The following ANGPT2 variants were observed in gnomAD, a reference collection of about 807,000 sequenced individuals.
ANGPT2 encodes angiopoietin-2.
ANGPT2 carries 28 observed loss-of-function variants against 62.9 expected under a neutral mutation model. The ratio of observed to expected loss-of-function variants is 0.44; its 90% CI spans 0.33 to 0.61. The LOEUF (loss-of-function observed/expected upper bound fraction) is 0.61, where lower values mean the gene tolerates loss of function less well. ANGPT2 is among the 20% of genes least tolerant of loss of function. The pLI is 0.03. For synonymous variants in ANGPT2, 284 were observed against 207.8 expected, an observed-to-expected ratio of 1.37 and a Z score of -3.15; for missense variants, 727 against 594.9, an observed-to-expected ratio of 1.22 and a Z score of -2.31.
At chr8:6,506,428 C>T (rs1009898913) in intron 8 of ANGPT2, among the ~76,000 whole-genome samples, 7 of 152,048 alleles carry the variant, frequency 4.6e-5, no homozygotes, top group African/African-American at 1.7e-4. Context: ...TCTTGATTTG[C>T]CTAAGTAAAT....
chr8:6,513,060 G>A (rs1815493838), intron 7 of ANGPT2, among the ~76,000 whole-genome samples: 1 of 152,124 alleles, frequency 6.6e-6, no homozygotes, highest in Admixed American at 6.5e-5. Context: ...TATTATCATG[G>A]GAACACTTAC....
Position 6,521,343 on chromosome 8 carries a change from C to T in ANGPT2, c.634G>A (p.Glu212Lys). The T allele has an allele frequency of 3.1e-6, 5 of 1,613,732 alleles. No individual in the cohort carries two copies. The highest frequency in any genetic ancestry group is 4.2e-6 in the Non-Finnish European group (5 of 1,179,928). Reference sequence around the variant, plus strand: ...ACTAACACCTGTAGCTGATCTTTCTCTTCTTTTATTGACTGTAGTTGGATG... The same window carrying T: ...ACTAACACCTGTAGCTGATCTTTCTTTTCTTTTATTGACTGTAGTTGGATG... ...HIIQLQSIKEEKDQLQVLVSK... is the reference protein window; with the variant it reads ...HIIQLQSIKEKKDQLQVLVSK... Residue 212 changes from glutamate (E) to lysine (K), a missense_variant, in exon 4 of 9, where the codon GAG becomes AAG. Transcript: ENST00000629816.
chr8:6,543,620 G>A (rs987128676), intron 1 of ANGPT2, among the ~76,000 whole-genome samples: 4 of 152,112 alleles, frequency 2.6e-5, no homozygotes, highest in Admixed American at 2.6e-4. Context: ...TGATTTTTGT[G>A]TTCATAAAGC....
In ANGPT2 at chr8:6,514,737, A is replaced by T. The variant is rs1815905960; in HGVS notation, c.969T>A (p.Ile323=). The T allele has an allele frequency of 1.2e-6, 2 of 1,614,100 alleles. No individual in the cohort carries two copies. Among genetic ancestry groups the T allele is most frequent in the East Asian group, 2.2e-5 (1 of 44,872 alleles). Residue 323 remains isoleucine, a synonymous_variant, in exon 6 of 9, where the codon ATT becomes ATA. Coordinates refer to ENST00000629816, the MANE Select transcript of ANGPT2 (RefSeq NM_001118887.2). ...DMEAGGGGWT[I]IQRREDGSVD... ...CGCTGCCATCCTCACGTCGCTGAAT[A>T]ATTGTCCACCCGCCTCCTCCAGCTT...
chr8:6,550,185 G>C (rs1269308323), intron 1 of ANGPT2, among the ~76,000 whole-genome samples: 2 of 152,204 alleles, frequency 1.3e-5, no homozygotes, highest in Admixed American at 6.5e-5. Flanking sequence ...GCCTGGCGTC[G>C]GCTCCATCTC....
chr8:6,503,002 G>T lies in ANGPT2; in HGVS notation c.*99C>A. The T allele has an allele frequency of 1.4e-6, 2 of 1,412,104 alleles. No homozygotes were observed. The highest frequency in any genetic ancestry group is 2.0e-6 in the Non-Finnish European group (2 of 1,019,658). 87.5% of individuals were successfully genotyped at this position (1,412,104 alleles called of 1,614,324 possible). A position where few individuals can be genotyped will look rare whatever the true frequency, so the allele number is the denominator to read the frequency against. ...CGTCAGCACCGAGCACACGCCCTCT[G>T]TGGTGGAAGAGGACACAGTGCGCAG... On this transcript the variant is annotated 3_prime_UTR_variant, in exon 9 of 9. Coordinates refer to ENST00000629816, the MANE Select transcript of ANGPT2 (RefSeq NM_001118887.2).
At position 6,532,416 on chromosome 8, in the gene ANGPT2, C is replaced by G. The variant is rs1415194719; in HGVS notation, c.360G>C (p.Gln120His). The G allele has an allele frequency of 1.2e-6, 2 of 1,614,120 alleles. No individual in the cohort carries two copies. Among genetic ancestry groups the G allele is most frequent in the South Asian group, 2.2e-5 (2 of 91,072 alleles). ...TCCCTATTTCTATCATCACAGCCGTCTGGTTCTGTACTGCATTCTGCTGTA... is the reference window on the plus strand; with the variant it reads ...TCCCTATTTCTATCATCACAGCCGTGTGGTTCTGTACTGCATTCTGCTGTA... ...VEIQQNAVQN[Q>H]TAVMIEIGTN... The change falls in exon 2 of 9, where the codon CAG becomes CAC. Residue 120 changes from glutamine (Q) to histidine (H), a missense_variant. By Grantham distance (24) the Gln-to-His change is conservative. Coordinates refer to ENST00000629816, the MANE Select transcript of ANGPT2 (RefSeq NM_001118887.2).
chr8:6,511,142 A>G (rs1814999674), intron 7 of ANGPT2, among the ~76,000 whole-genome samples: 1 of 152,170 alleles, frequency 6.6e-6, no homozygotes, highest in Non-Finnish European at 1.5e-5. Context: ...AAAATAAGGG[A>G]GAATACTATT....
intron 1 of ANGPT2, among the ~76,000 whole-genome samples, chr8:6,549,363 G>C (rs1275539782): frequency 6.6e-6 from 1 of 152,374 alleles, no homozygotes; most frequent in Admixed American, 6.5e-5. Flanking sequence ...TGTACTGATT[G>C]TTCCAATTAC....
chr8:6,555,067 C>G (rs1488954481), intron 1 of ANGPT2, among the ~76,000 whole-genome samples: 1 of 152,104 alleles, frequency 6.6e-6, no homozygotes, highest in Non-Finnish European at 1.5e-5. Context: ...CATTTTAATT[C>G]CAACAAATGG....
rs1811821519 is a variant in ANGPT2 at position 6,499,915 on chromosome 8, T to C, written c.*3186A>G. 2.5e-6 allele frequency: 4 copies of C among 1,613,666 alleles called. No individual in the cohort carries two copies. The highest frequency in any genetic ancestry group is 3.4e-6 in the Non-Finnish European group (4 of 1,179,882). ...GGAGCCGTTCGAACTGTCTCACCAC[T>C]TCCCTGCAGCTCCCGTAAGTCAGAT... On this transcript the variant is annotated 3_prime_UTR_variant, in exon 9 of 9. Coordinates refer to ENST00000629816, the MANE Select transcript of ANGPT2 (RefSeq NM_001118887.2).
intron 6 of ANGPT2, among the ~76,000 whole-genome samples, chr8:6,514,081 C>G (rs1326867368): frequency 1.3e-5 from 2 of 152,080 alleles, no homozygotes; most frequent in Non-Finnish European, 2.9e-5. Flanking sequence ...ACTTGGGGAG[C>G]CACCAGCAGA....
intron 3 of ANGPT2, among the ~76,000 whole-genome samples, chr8:6,523,483 G>C (rs1442196435): frequency 6.6e-6 from 1 of 152,208 alleles, no homozygotes; most frequent in African/African-American, 2.4e-5. Flanking sequence ...TTAAGCCAGA[G>C]GAAACAAATC....
intron 1 of ANGPT2, among the ~76,000 whole-genome samples, chr8:6,556,975 T>G (rs1453875197): frequency 1.3e-5 from 2 of 152,182 alleles, no homozygotes; most frequent in Non-Finnish European, 2.9e-5. Flanking sequence ...TAAATATTTT[T>G]TGAACAAATA....
At chr8:6,550,677 C>CT (rs1260178515) in intron 1 of ANGPT2, among the ~76,000 whole-genome samples, 1 of 152,182 alleles carries the variant, frequency 6.6e-6, no homozygotes, top group African/African-American at 2.4e-5. Context: ...ATATTGAAAT[C>CT]TTTTTAAAAT....
At chr8:6,545,582 T>C (rs1029883089) in intron 1 of ANGPT2, among the ~76,000 whole-genome samples, 5 of 152,236 alleles carry the variant, frequency 3.3e-5, no homozygotes, top group Admixed American at 2.6e-4. Flanking sequence ...AGGGTTAAAA[T>C]GTATATTCGT....
intron 1 of ANGPT2, among the ~76,000 whole-genome samples, chr8:6,536,023 C>G (rs1317803067): frequency 1.3e-5 from 2 of 151,982 alleles, no homozygotes; most frequent in East Asian, 1.9e-4. Context: ...TGCCACTGCA[C>G]TGCAGCTTGG....
chr8:6,523,720 G>GT (rs1410834615), intron 3 of ANGPT2, among the ~76,000 whole-genome samples: 2 of 152,230 alleles, frequency 1.3e-5, no homozygotes, highest in East Asian at 3.9e-4. Flanking sequence ...CTCCTGAGTA[G>GT]TTAGGATTAC....
intron 7 of ANGPT2, among the ~76,000 whole-genome samples, chr8:6,512,619 G>A (rs920689602): frequency 4.6e-5 from 7 of 152,132 alleles, no homozygotes; most frequent in Non-Finnish European, 7.3e-5. Flanking sequence ...CACACATTTC[G>A]GAGTGCCTCT....
Sources: allele counts gnomAD v4.1 joint callset (sites outside exome capture counted in the v4.1 genomes callset), GRCh38; gene constraint gnomAD v4.1.1; transcripts MANE v1.5; gene names NCBI Gene and HGNC (gene_info 2026-07-23, HGNC 2026-07-21).